Variants in ERBB4 observed in about 807,000 individuals in gnomAD.
The protein encoded by ERBB4 is receptor tyrosine-protein kinase erbB-4.
In ERBB4, 42 loss-of-function variants were observed where a neutral mutation model predicts 158.0. The ratio of observed to expected loss-of-function variants is 0.27; its 90% confidence interval spans 0.21 to 0.34. The LOEUF (loss-of-function observed/expected upper bound fraction) is 0.34. Among genes scored for constraint, ERBB4 ranks in the 10% least tolerant of loss-of-function variants. The pLI, the probability that ERBB4 is intolerant of heterozygous loss-of-function variation, is 1.00. For missense variants in ERBB4, 1,333 were observed against 1,624.1 expected, an observed-to-expected ratio of 0.82 and a Z score of 3.08; for synonymous variants, 583 against 558.7, an observed-to-expected ratio of 1.04 and a Z score of -0.61.
chr2:212,136,907 G>A (rs1022151396), intron 1 of ERBB4, among the ~76,000 whole-genome samples: 8 of 151,942 alleles, frequency 5.3e-5, no homozygotes, highest in Non-Finnish European at 8.8e-5. Flanking sequence ...ACAAGTTTTC[G>A]GGGATGTTTT....
At chr2:212,293,194 T>G (rs1400520031) in intron 1 of ERBB4, among the ~76,000 whole-genome samples, 3 of 151,998 alleles carry the variant, frequency 2.0e-5, no homozygotes, top group African/African-American at 7.2e-5. Flanking sequence ...TCCAAGCATA[T>G]AAGTATTTTT....
chr2:211,392,020 T>TTGAC (rs1426652336), intron 25 of ERBB4, among the ~76,000 whole-genome samples: 1 of 152,138 alleles, frequency 6.6e-6, no homozygotes, highest in African/African-American at 2.4e-5. Flanking sequence ...CCAAATTCCT[T>TTGAC]TGACTAAAAT....
intron 3 of ERBB4, among the ~76,000 whole-genome samples, chr2:211,830,782 A>G (rs865960915): frequency 1.3e-5 from 2 of 152,150 alleles, no homozygotes; most frequent in Non-Finnish European, 1.5e-5. Flanking sequence ...ATGAAGTGAA[A>G]TGAGATTACA....
chr2:211,712,218 T>A (rs1354831650), intron 8 of ERBB4, 42 bp from the exon 9 acceptor site: 2 of 1,606,660 alleles, frequency 1.2e-6, no homozygotes, highest in Admixed American at 1.7e-5. Flanking sequence ...GAGAAACTTA[T>A]TTTTGGCCAA....
Position 211,513,912 on chromosome 2 carries a change from T to C in ERBB4, c.2487+47991A>G, listed in dbSNP as rs568702837. Among the ~76,000 whole-genome samples, 5 of 152,200 alleles carry C rather than the reference T, an allele frequency of 3.3e-5. No homozygotes were observed. The South Asian group carries it at 8.3e-4, about 25-fold the overall frequency. ...ACTGTACAAATGTATGGGGTACATG[T>C]GCTATTTTGATGTAATGATCAGGGA... On this transcript the variant is annotated intron_variant, in intron 20 of 27. Coordinates refer to ENST00000342788, the MANE Select transcript of ERBB4 (RefSeq NM_005235.3).
intron 1 of ERBB4, among the ~76,000 whole-genome samples, chr2:212,495,272 GTC>G (rs1487076498): frequency 7.2e-6 from 1 of 139,470 alleles, no homozygotes; most frequent in African/African-American, 3.4e-5. Flanking sequence ...AAAATCCCCT[GTC>G]TCTCACCCAT....
chr2:212,123,790 T>C (rs1036058091), intron 2 of ERBB4, among the ~76,000 whole-genome samples: 9 of 152,198 alleles, frequency 5.9e-5, no homozygotes, highest in African/African-American at 2.2e-4. Context: ...TATAGAATTA[T>C]TAACATTATC....
chr2:212,048,894 AG>A lies in ERBB4; in HGVS notation c.234+75857del, dbSNP rs1441352643. 1.3e-4 allele frequency among the ~76,000 whole-genome samples: 20 copies of A among 152,318 alleles called. No individual in the cohort carries two copies. In the South Asian group the frequency reaches 1.7e-3, roughly 13 times the overall value. ...ATTCGAACATGGAATAAATAAGGAG[AG>A]GAAGTCCTACAACCTCAAGGAGTTG... On this transcript the variant is annotated intron_variant, in intron 2 of 27. Coordinates refer to ENST00000342788, the MANE Select transcript of ERBB4 (RefSeq NM_005235.3).
At chr2:211,610,077 A>G (rs2069136070) in intron 19 of ERBB4, among the ~76,000 whole-genome samples, 1 of 152,142 alleles carries the variant, frequency 6.6e-6, no homozygotes, top group East Asian at 1.9e-4. Flanking sequence ...TGTAATAAGT[A>G]ATTACCCAAC....
At chr2:211,767,461 A>G (rs1284864120) in intron 4 of ERBB4, among the ~76,000 whole-genome samples, 1 of 152,220 alleles carries the variant, frequency 6.6e-6, no homozygotes. Context: ...AATTTTATTT[A>G]GTAAAAATGA....
chr2:211,427,436 G>A (rs941901106), intron 22 of ERBB4, among the ~76,000 whole-genome samples: 5 of 151,994 alleles, frequency 3.3e-5, no homozygotes, highest in Admixed American at 2.6e-4. Context: ...ATTTTAAGTA[G>A]CCAGACAGAT....
chr2:211,817,987 A>T (rs2076914630), intron 3 of ERBB4, among the ~76,000 whole-genome samples: 1 of 152,148 alleles, frequency 6.6e-6, no homozygotes, highest in Admixed American at 6.6e-5. Flanking sequence ...ATCTTGTTAA[A>T]GTTACTCTAA....
intron 3 of ERBB4, among the ~76,000 whole-genome samples, chr2:211,859,770 C>A (rs1000440602): frequency 4.1e-4 from 63 of 152,132 alleles, no homozygotes; most frequent in Admixed American, 4.1e-3. Flanking sequence ...ATGCAAAGCA[C>A]ACATATAATT....
chr2:211,817,081 C>T (rs2076894635), intron 3 of ERBB4, among the ~76,000 whole-genome samples: 1 of 152,150 alleles, frequency 6.6e-6, no homozygotes, highest in Non-Finnish European at 1.5e-5. Context: ...AGTGCATTGC[C>T]TTTGTTTGAT....
chr2:212,184,930 C>A (rs2081972828), intron 1 of ERBB4, among the ~76,000 whole-genome samples: 1 of 151,964 alleles, frequency 6.6e-6, no homozygotes, highest in African/African-American at 2.4e-5. Context: ...CAATCTAGTG[C>A]ACCTTCACCC....
chr2:212,303,388 T>G (rs2086691577), intron 1 of ERBB4, among the ~76,000 whole-genome samples: 1 of 119,734 alleles, frequency 8.4e-6, no homozygotes, highest in African/African-American at 3.0e-5. Context: ...TCCACAGCTA[T>G]AAAGACATTT....
At chr2:211,599,511 T>TTGTGTGTGTGTGTGTGTGTGTGTGTG (rs201810389) in intron 19 of ERBB4, among the ~76,000 whole-genome samples, 599 of 20,828 alleles carry the variant, frequency 0.029, 3 homozygotes, top group African/African-American at 0.035. Context: ...AAATAATTTC[T>TTGTGTGTGTGTGTGTGTGTGTGTGTG]TCTGTGTGTG....
chr2:212,123,672 G>A (rs2079830181), intron 2 of ERBB4, among the ~76,000 whole-genome samples: 2 of 152,226 alleles, frequency 1.3e-5, no homozygotes, highest in East Asian at 1.9e-4. Context: ...GCCACACAGT[G>A]TTATTTATGT....
chr2:211,664,906 A>G (rs1418099681), intron 15 of ERBB4, among the ~76,000 whole-genome samples: 1 of 152,240 alleles, frequency 6.6e-6, no homozygotes, highest in Non-Finnish European at 1.5e-5. Context: ...AAAGAGAAAT[A>G]TCCTCACCTT....
Sources: allele counts gnomAD v4.1 joint callset (sites outside exome capture counted in the v4.1 genomes callset), GRCh38; gene constraint gnomAD v4.1.1; transcripts MANE v1.5; gene names NCBI Gene and HGNC (gene_info 2026-07-23, HGNC 2026-07-21).